The following KDM6A variants were observed in gnomAD, a reference collection of about 807,000 sequenced individuals.
KDM6A encodes the protein lysine-specific demethylase 6A.
KDM6A carries 11 observed loss-of-function variants against 117.6 expected under a neutral mutation model. The observed-to-expected ratio is 0.09, with a 90% CI of 0.06 to 0.15. KDM6A has a LOEUF of 0.15. Among genes scored for constraint, KDM6A ranks in the 10% least tolerant of loss-of-function variants. The pLI is 1.00. For synonymous variants in KDM6A, 384 were observed against 396.1 expected (o/e 0.97, Z 0.36); for missense variants, 799 against 1,077.3 (o/e 0.74, Z 3.62).
At chrX:45,005,981 CCCCACCACCCACCACCCACCACCCACCA>C (rs1188535335) in intron 4 of KDM6A, among the ~76,000 whole-genome samples, 2 of 58,377 alleles carry the variant, frequency 3.4e-5, no homozygotes, top group Admixed American at 1.8e-4. Context: ...CCCCCCCACC[CCCCACCACCCACCACCCACCACCCACCA>C]CCCACCACCC....
In KDM6A at chrX:45,082,738, C is replaced by A. The variant is rs1285973101; in HGVS notation, c.3389C>A (p.Pro1130His). 2.5e-6 allele frequency: 3 copies of A among 1,201,631 alleles called. No homozygotes were observed. Among genetic ancestry groups the A allele is most frequent in the Non-Finnish European group, 2.3e-6 (2 of 888,801 alleles). ...AGTTCTGGGAGGAGGAGGAAAGGACCCTTTAAAACCATAAAGTTTGGGACC... is the reference window on the plus strand; with the variant it reads ...AGTTCTGGGAGGAGGAGGAAAGGACACTTTAAAACCATAAAGTTTGGGACC... ...SDNSGRRRKG[P>H]FKTIKFGTNI... Residue 1130 changes from proline (P) to histidine (H), a missense_variant, in exon 23 of 30, where the codon CCC becomes CAC. Pro to His is a moderately conservative substitution (Grantham distance 77, BLOSUM62 -2). Around this residue, in one of 8 missense-constraint regions of KDM6A, gnomAD observed 291 missense variants for 437.9 expected, o/e 0.66. Coordinates refer to ENST00000611820, the MANE Select transcript of KDM6A (RefSeq NM_001291415.2).
intron 3 of KDM6A, among the ~76,000 whole-genome samples, chrX:44,963,071 A>C (rs1382628676): frequency 8.9e-6 from 1 of 112,224 alleles, no homozygotes; most frequent in Non-Finnish European, 1.9e-5. Flanking sequence ...CAACCCTGCC[A>C]CTACTCTGTT....
intron 4 of KDM6A, among the ~76,000 whole-genome samples, chrX:44,996,275 A>G (rs1441004395): frequency 2.8e-5 from 3 of 109,056 alleles, no homozygotes; most frequent in Admixed American, 1.9e-4. Context: ...GAGTCTCACT[A>G]TGTTGCCCAG....
chrX:45,053,364 G>A (rs1347758914), intron 9 of KDM6A, among the ~76,000 whole-genome samples: 12 of 111,116 alleles, frequency 1.1e-4, no homozygotes, highest in African/African-American at 3.3e-4. Flanking sequence ...TCTGGGAGGC[G>A]GAGGTTGCAG....
At chrX:45,082,454 A>T in intron 21 of KDM6A, 122 bp from the exon 22 acceptor site, 1 of 515,579 alleles carries the variant, frequency 1.9e-6, no homozygotes, top group East Asian at 3.5e-5. Context: ...AAAACATGAA[A>T]CTTAGTTTCA....
At chrX:44,923,772 G>C (rs1198036902) in intron 2 of KDM6A, among the ~76,000 whole-genome samples, 2 of 110,410 alleles carry the variant, frequency 1.8e-5, no homozygotes, top group Non-Finnish European at 3.8e-5. Context: ...GCCCATGCTG[G>C]AGTGCAGTGA....
chrX:44,974,715 G>A lies in KDM6A; in HGVS notation c.384G>A (p.Lys128=). The change falls in exon 4 of 30, where the codon AAG becomes AAA. Residue 128 remains lysine (K), a splice_region_variant and synonymous_variant. Transcript: ENST00000611820. ...ACAGTTTACAGTCTGACTACTGGAA[G>A]GTTAGTGTACATTTGCATGCTGATT... The part of the protein sequence containing the change: ...RYYSLQSDYW[K]NAAFLYGLGL... 8.5e-7 allele frequency: 1 copy of A among 1,173,119 alleles called. No individual in the cohort carries two copies. The highest frequency in any genetic ancestry group is 1.2e-6 in the Non-Finnish European group (1 of 860,242).
chrX:44,907,895 G>A (rs1017373861), intron 2 of KDM6A, among the ~76,000 whole-genome samples: 28 of 109,130 alleles, frequency 2.6e-4, no homozygotes, highest in African/African-American at 9.4e-4. Flanking sequence ...CTGGCAGCTA[G>A]TGTTTTGATA....
chrX:45,029,483 G>A (rs1405651374), intron 6 of KDM6A, among the ~76,000 whole-genome samples: 1 of 109,404 alleles, frequency 9.1e-6, no homozygotes, highest in Non-Finnish European at 1.9e-5. Context: ...GTGCTGGTGT[G>A]TGCCAGTAAT....
intron 11 of KDM6A, 55 bp downstream of exon 11, chrX:45,059,159 A>G: frequency 8.5e-7 from 1 of 1,172,401 alleles, no homozygotes; most frequent in Non-Finnish European, 1.2e-6. Flanking sequence ...AGATGGTTGC[A>G]TCACATATAG....
At chrX:45,035,782 C>G (rs2042785518) in intron 7 of KDM6A, among the ~76,000 whole-genome samples, 2 of 109,799 alleles carry the variant, frequency 1.8e-5, no homozygotes, top group Non-Finnish European at 3.8e-5. Flanking sequence ...TCACTGCAAG[C>G]TCCGCCTACC....
chrX:45,051,559 TA>T lies in KDM6A; in HGVS notation c.655-147del, dbSNP rs757013035. On this transcript the variant is annotated intron_variant, in intron 8 of 29. Transcript: ENST00000611820. ...GGCTTATTACTCAACTGTCTGATGT[TA>T]AAGAAACATTCAATAATGGAATCAG... The T allele has an allele frequency of 2.7e-3, 1,142 of 423,583 alleles. 3 individuals carry two copies. Among genetic ancestry groups the T allele is most frequent in the Non-Finnish European group, 3.6e-3 (866 of 239,944 alleles). The allele number at this position is 423,583 out of a possible 1,213,427, so 34.9% of individuals were successfully genotyped here.
intron 8 of KDM6A, among the ~76,000 whole-genome samples, chrX:45,049,932 G>C (rs1475603788): frequency 8.9e-6 from 1 of 112,928 alleles, no homozygotes; most frequent in African/African-American, 3.2e-5. Context: ...TTTATCAATT[G>C]AAGGAATTGA....
intron 9 of KDM6A, among the ~76,000 whole-genome samples, chrX:45,052,933 G>T (rs1384871406): frequency 9.0e-6 from 1 of 111,073 alleles, no homozygotes. Flanking sequence ...GGCATCAAGC[G>T]ATCCTTCTGC....
Position 44,988,054 on chromosome X carries a change from G to A in KDM6A, c.384+13339G>A, listed in dbSNP as rs148331257. 4.7e-3 allele frequency among the ~76,000 whole-genome samples: 531 copies of A among 111,998 alleles called. 3 individuals are homozygous for A. The highest frequency in any genetic ancestry group is 0.016 in the African/African-American group (486 of 30,762). On this transcript the variant is annotated intron_variant, in intron 4 of 29. Transcript: ENST00000611820. ...TCACTTTCAGGTACACCAATCAGAC[G>A]TAGATTTGGTCTTTTCACGTAGTCC...
chrX:45,053,782 G>T, intron 9 of KDM6A, 47 bp from the exon 10 acceptor site: 1 of 1,018,983 alleles, frequency 9.8e-7, no homozygotes, highest in Non-Finnish European at 1.4e-6. Context: ...AAACATAGAA[G>T]AACAATTAAG....
intron 2 of KDM6A, among the ~76,000 whole-genome samples, chrX:44,942,418 C>A (rs969584894): frequency 9.0e-6 from 1 of 110,535 alleles, no homozygotes; most frequent in Non-Finnish European, 1.9e-5. Flanking sequence ...GGTTCTCTGT[C>A]TTCTGTTGAT....
At chrX:44,934,761 G>A (rs2036870175) in intron 2 of KDM6A, among the ~76,000 whole-genome samples, 1 of 111,348 alleles carries the variant, frequency 9.0e-6, no homozygotes, top group Non-Finnish European at 1.9e-5. Flanking sequence ...GGAGGTGATA[G>A]AGGCATACAT....
intron 25 of KDM6A, among the ~76,000 whole-genome samples, chrX:45,087,836 G>T (rs959360354): frequency 1.8e-5 from 2 of 111,567 alleles, no homozygotes; most frequent in East Asian, 2.8e-4. Flanking sequence ...TTAGAAGGAA[G>T]GGTTAGGTAA....
Sources: allele counts gnomAD v4.1 joint callset (sites outside exome capture counted in the v4.1 genomes callset), GRCh38; gene constraint gnomAD v4.1.1; regional missense constraint gnomAD v4.1.1; transcripts MANE v1.5; gene names NCBI Gene and HGNC (gene_info 2026-07-23, HGNC 2026-07-21).